BAZ2B: variants seen among roughly 807,000 people sequenced by gnomAD.
The protein encoded by BAZ2B is bromodomain adjacent to zinc finger domain protein 2B.
In BAZ2B, 91 loss-of-function variants were observed where a neutral mutation model predicts 246.0. That is an observed-to-expected ratio of 0.37 (90% CI 0.31 to 0.44). The LOEUF is 0.44. Among genes scored for constraint, BAZ2B ranks in the 20% least tolerant of loss-of-function variants. BAZ2B has a pLI of 1.00. For synonymous variants in BAZ2B, 855 were observed against 860.0 expected (o/e 0.99, Z 0.10); for missense variants, 2,332 against 2,533.7 (o/e 0.92, Z 1.71).
At chr2:159,544,805 G>A (rs2087107016) in intron 2 of BAZ2B, among the ~76,000 whole-genome samples, 2 of 152,294 alleles carry the variant, frequency 1.3e-5, no homozygotes, top group African/African-American at 2.4e-5. Flanking sequence ...CGACAAAATC[G>A]TCAGTATATT....
chr2:159,510,748 T>A (rs981052009), intron 2 of BAZ2B, among the ~76,000 whole-genome samples: 49 of 152,238 alleles, frequency 3.2e-4, no homozygotes, highest in South Asian at 4.1e-4. Flanking sequence ...AAAATTAATG[T>A]TTGAAGTCCT....
At chr2:159,419,569 A>C (rs1219427238) in intron 13 of BAZ2B, among the ~76,000 whole-genome samples, 1 of 152,248 alleles carries the variant, frequency 6.6e-6, no homozygotes, top group Non-Finnish European at 1.5e-5. Flanking sequence ...TGAAAGAGTA[A>C]GAACCATGAG....
chr2:159,322,009 A>G (rs1212213996), intron 36 of BAZ2B: 1 of 152,194 alleles, frequency 6.6e-6, no homozygotes, highest in African/African-American at 2.4e-5. Flanking sequence ...GTCCATAAAT[A>G]TATACACCTA....
chr2:159,406,390 T>A (rs907788834), intron 14 of BAZ2B, among the ~76,000 whole-genome samples: 5 of 152,158 alleles, frequency 3.3e-5, no homozygotes, highest in African/African-American at 7.2e-5. Context: ...TTCCAGCTGA[T>A]TCCATGTGCA....
intron 2 of BAZ2B, among the ~76,000 whole-genome samples, chr2:159,526,924 A>G (rs1051286110): frequency 4.6e-5 from 7 of 151,046 alleles, no homozygotes; most frequent in Admixed American, 2.0e-4. Context: ...TCTGCTCACT[A>G]GCTTATATAG....
chr2:159,423,971 G>T (rs999751157), intron 13 of BAZ2B, among the ~76,000 whole-genome samples: 1 of 152,030 alleles, frequency 6.6e-6, no homozygotes, highest in Non-Finnish European at 1.5e-5. Flanking sequence ...CAGCTTGCCC[G>T]CTTAGCAAAC....
At chr2:159,639,114 A>AACAC in the BAZ2B span, among the ~76,000 whole-genome samples, 65 of 151,290 alleles carry the variant, frequency 4.3e-4, no homozygotes, top group African/African-American at 1.4e-3. Context: ...GTGTTGGGAA[A>AACAC]ACACACACAC....
At chr2:159,361,563 A>G (rs1163944297) in intron 27 of BAZ2B, among the ~76,000 whole-genome samples, 1 of 152,190 alleles carries the variant, frequency 6.6e-6, no homozygotes, top group African/African-American at 2.4e-5. Flanking sequence ...AGGATCTACA[A>G]CCAGAAATAC....
upstream of BAZ2B, among the ~76,000 whole-genome samples, chr2:159,621,185 G>A (rs1192782199): frequency 1.3e-5 from 2 of 152,172 alleles, no homozygotes; most frequent in Admixed American, 6.5e-5. Flanking sequence ...TGGCTATGAC[G>A]CTTTATAGGC....
At chr2:159,689,160 A>G in the BAZ2B span, 14 of 407,240 alleles carry the variant, frequency 3.4e-5, no homozygotes, top group Admixed American at 5.0e-4. Context: ...ATAAAAGCGC[A>G]CGTATTTTTC....
chr2:159,644,901 C>T, the BAZ2B span, among the ~76,000 whole-genome samples: 8 of 152,154 alleles, frequency 5.3e-5, no homozygotes, highest in Non-Finnish European at 1.2e-4. Flanking sequence ...CTTAATAATT[C>T]CTTTTTCATT....
chr2:159,481,433 T>G (rs908207363), intron 2 of BAZ2B, among the ~76,000 whole-genome samples: 1 of 150,516 alleles, frequency 6.6e-6, no homozygotes, highest in Non-Finnish European at 1.5e-5. Context: ...AAAATATATA[T>G]ATAAATAATA....
intron 3 of BAZ2B, among the ~76,000 whole-genome samples, chr2:159,457,082 T>C (rs1411115863): frequency 6.6e-6 from 1 of 152,198 alleles, no homozygotes; most frequent in Non-Finnish European, 1.5e-5. Flanking sequence ...ACACAGATAG[T>C]AATTCCATGT....
chr2:159,478,785 A>G (rs923017250), intron 2 of BAZ2B, 64 bp from the exon 3 acceptor site: 4 of 1,279,504 alleles, frequency 3.1e-6, no homozygotes, highest in Middle Eastern at 4.3e-4. Context: ...AGAATTCAAC[A>G]TAAACTTTTT....
At chr2:159,419,345 A>G (rs998287547) in intron 13 of BAZ2B, among the ~76,000 whole-genome samples, 2 of 152,124 alleles carry the variant, frequency 1.3e-5, no homozygotes, top group East Asian at 3.9e-4. Context: ...TTGACAATTC[A>G]CATAAAAAAA....
the BAZ2B span, among the ~76,000 whole-genome samples, chr2:159,635,702 T>G: frequency 6.6e-6 from 1 of 152,296 alleles, no homozygotes; most frequent in South Asian, 2.1e-4. Flanking sequence ...AGGACATTTC[T>G]GTAGCTTCTT....
chr2:159,443,562 GC>G (rs1453781211), intron 6 of BAZ2B, among the ~76,000 whole-genome samples: 1 of 152,078 alleles, frequency 6.6e-6, no homozygotes, highest in Non-Finnish European at 1.5e-5. Flanking sequence ...TAGTTCCAAT[GC>G]CCTTTATCTC....
chr2:159,644,929 T>C, the BAZ2B span, among the ~76,000 whole-genome samples: 7 of 152,206 alleles, frequency 4.6e-5, no homozygotes, highest in African/African-American at 1.7e-4. Context: ...TCTCATATTT[T>C]ACTATAAGTA....
At chr2:159,362,355 A>G (rs1226054621) in intron 27 of BAZ2B, among the ~76,000 whole-genome samples, 2 of 150,422 alleles carry the variant, frequency 1.3e-5, no homozygotes, top group Non-Finnish European at 3.0e-5. Context: ...AGGTCCCTTG[A>G]TAATGTTTAT....
Sources: gnomAD v4.1 joint callset for allele counts (sites outside exome capture counted in the v4.1 genomes callset) on GRCh38, gnomAD v4.1.1 for gene constraint, MANE v1.5 for transcripts, NCBI Gene and HGNC (gene_info 2026-07-23, HGNC 2026-07-21) for gene names.